CACNB2: variants seen among roughly 807,000 people sequenced by gnomAD.
CACNB2 encodes voltage-dependent L-type calcium channel subunit beta-2.
CACNB2 carries 42 observed loss-of-function variants against 73.3 expected under a neutral mutation model. That is an observed-to-expected ratio of 0.57 (90% CI 0.45 to 0.74). The LOEUF is 0.74. CACNB2 is among the 30% of genes least tolerant of loss of function. CACNB2 has a pLI of 0.00. For missense variants in CACNB2, 940 were observed against 853.0 expected, an observed-to-expected ratio of 1.10 and a Z score of -1.27; for synonymous variants, 348 against 310.3, an observed-to-expected ratio of 1.12 and a Z score of -1.28.
chr10:18,456,237 G>A (rs2047272632), intron 3 of CACNB2, among the ~76,000 whole-genome samples: 1 of 152,094 alleles, frequency 6.6e-6, no homozygotes, highest in African/African-American at 2.4e-5. Flanking sequence ...TTGGGAGGCT[G>A]AGGCGGGCTT....
At chr10:18,470,039 T>C (rs562657048) in intron 3 of CACNB2, among the ~76,000 whole-genome samples, 1 of 152,122 alleles carries the variant, frequency 6.6e-6, no homozygotes, top group Non-Finnish European at 1.5e-5. Context: ...TTGCAGTTAA[T>C]ATCTATGAAA....
At chr10:18,198,860 A>G (rs1032421323) in intron 2 of CACNB2, among the ~76,000 whole-genome samples, 10 of 152,176 alleles carry the variant, frequency 6.6e-5, no homozygotes, top group African/African-American at 2.4e-4. Flanking sequence ...GTTTGAATCA[A>G]TTTACTTCTA....
chr10:18,157,033 G>A (rs1201405753), intron 2 of CACNB2, among the ~76,000 whole-genome samples: 2 of 149,408 alleles, frequency 1.3e-5, no homozygotes, highest in South Asian at 4.2e-4. Context: ...TTGCACTCCT[G>A]CCTGGGCAAC....
At chr10:18,163,143 A>C (rs780053790) in intron 2 of CACNB2, among the ~76,000 whole-genome samples, 1 of 152,190 alleles carries the variant, frequency 6.6e-6, no homozygotes, top group Non-Finnish European at 1.5e-5. Context: ...ATCATTTGAT[A>C]AAAGGTGGTA....
chr10:18,521,748 T>C (rs2051906658), intron 9 of CACNB2, among the ~76,000 whole-genome samples: 1 of 152,000 alleles, frequency 6.6e-6, no homozygotes, highest in African/African-American at 2.4e-5. Flanking sequence ...AACCTCAGAG[T>C]TTAAGAGTAG....
At chr10:18,481,953 G>A (rs147160940) in intron 3 of CACNB2, among the ~76,000 whole-genome samples, 3,426 of 152,238 alleles carry the variant, frequency 0.023, 41 homozygotes, top group African/African-American at 0.025. Context: ...GCAATGGCGC[G>A]ATCTCGGCTT....
chr10:18,436,384 A>G (rs1564545730), intron 3 of CACNB2, among the ~76,000 whole-genome samples: 1 of 152,258 alleles, frequency 6.6e-6, no homozygotes, highest in Admixed American at 6.5e-5. Context: ...CATGGAGAAC[A>G]AAGCAGAGAA....
chr10:18,499,769 G>T (rs947984665), intron 4 of CACNB2, among the ~76,000 whole-genome samples: 4 of 106,696 alleles, frequency 3.7e-5, no homozygotes, highest in African/African-American at 6.6e-5. Context: ...TTGAGCCCAG[G>T]AGACCAGCCT....
At position 18,540,774 on chromosome 10, in the gene CACNB2, A is replaced by C. The variant is rs974497532; in HGVS notation, c.*1050A>C. On this transcript the variant is annotated 3_prime_UTR_variant, in exon 14 of 14. Transcript: ENST00000324631. ...CCGAGTGACTGAATGGTTGAGATGA[A>C]TTGGAATGCTGAAGACTAACGAAGA... 1 of 152,646 alleles carries C rather than the reference A, an allele frequency of 6.6e-6. No individual in the cohort carries two copies. The highest frequency in any genetic ancestry group is 1.5e-5 in the Non-Finnish European group (1 of 68,040). The allele number at this position is 152,646 out of a possible 1,614,324, so 9.5% of individuals were successfully genotyped here. A position where few individuals can be genotyped will look rare whatever the true frequency, so the allele number is the denominator to read the frequency against.
intron 2 of CACNB2, among the ~76,000 whole-genome samples, chr10:18,330,203 A>T (rs961356794): frequency 1.3e-5 from 2 of 152,184 alleles, no homozygotes; most frequent in Non-Finnish European, 2.9e-5. Flanking sequence ...TAAAAATCGC[A>T]TTCATTATTT....
intron 2 of CACNB2, among the ~76,000 whole-genome samples, chr10:18,315,513 A>C (rs1362276871): frequency 1.6e-5 from 2 of 128,066 alleles, no homozygotes; most frequent in Non-Finnish European, 3.3e-5. Flanking sequence ...AAAAAAAAAA[A>C]AAAAAAAAAA....
intron 9 of CACNB2, among the ~76,000 whole-genome samples, chr10:18,526,603 T>A (rs1008722677): frequency 1.3e-5 from 2 of 152,230 alleles, no homozygotes; most frequent in Non-Finnish European, 2.9e-5. Flanking sequence ...GACTTGAATA[T>A]TCAGCTTTCT....
At chr10:18,216,559 C>T (rs531172230) in intron 2 of CACNB2, among the ~76,000 whole-genome samples, 9 of 151,408 alleles carry the variant, frequency 5.9e-5, no homozygotes, top group South Asian at 4.2e-4. Flanking sequence ...GACTCTATTT[C>T]GGTGGTTTAT....
chr10:18,443,975 G>C, intron 3 of CACNB2, among the ~76,000 whole-genome samples: 1 of 152,106 alleles, frequency 6.6e-6, no homozygotes, highest in East Asian at 1.9e-4. Context: ...TTGGCCTCCC[G>C]AAGTGCTGGA....
chr10:18,439,084 A>G (rs761213568), intron 3 of CACNB2, among the ~76,000 whole-genome samples: 3 of 152,360 alleles, frequency 2.0e-5, no homozygotes, highest in African/African-American at 7.2e-5. Context: ...ATCTCACAGG[A>G]TACGAGACAT....
At chr10:18,206,623 G>A (rs1386812259) in intron 2 of CACNB2, 1 of 152,248 alleles carries the variant, frequency 6.6e-6, no homozygotes, top group African/African-American at 2.4e-5. Flanking sequence ...CGCAGGCTGC[G>A]TCCATGTACT....
intron 1 of CACNB2, among the ~76,000 whole-genome samples, chr10:18,145,422 T>C (rs1310882031): frequency 6.6e-6 from 1 of 152,218 alleles, no homozygotes; most frequent in Non-Finnish European, 1.5e-5. Flanking sequence ...TATTTTTTTT[T>C]TTCTAATGTG....
At chr10:18,462,497 C>T (rs77017981) in intron 3 of CACNB2, among the ~76,000 whole-genome samples, 1,972 of 152,110 alleles carry the variant, frequency 0.013, 27 homozygotes, top group Middle Eastern at 0.068. Context: ...TCAAGCTATC[C>T]TTCCACCTGG....
Position 18,539,870 on chromosome 10 carries a change from C to T in CACNB2, c.*146C>T. ...TGTATTATTGCTGTTGCTTGAATAGCAATAGCATGGATAGAGTATTGAGAT... is the reference window on the plus strand; with the variant it reads ...TGTATTATTGCTGTTGCTTGAATAGTAATAGCATGGATAGAGTATTGAGAT... On this transcript the variant is annotated 3_prime_UTR_variant, in exon 14 of 14. Transcript: ENST00000324631. 1 of 858,602 alleles carries T rather than the reference C, an allele frequency of 1.2e-6. No individual in the cohort carries two copies. Among genetic ancestry groups the T allele is most frequent in the Non-Finnish European group, 1.8e-6 (1 of 564,722 alleles). The allele number at this position is 858,602 out of a possible 1,614,324, so 53.2% of individuals were successfully genotyped here. A position where few individuals can be genotyped will look rare whatever the true frequency, so the allele number is the denominator to read the frequency against.
Sources: gnomAD v4.1 joint callset for allele counts (sites outside exome capture counted in the v4.1 genomes callset) on GRCh38, gnomAD v4.1.1 for gene constraint, MANE v1.5 for transcripts, NCBI Gene and HGNC (gene_info 2026-07-23, HGNC 2026-07-21) for gene names.